GPR158: variants seen among roughly 807,000 people sequenced by gnomAD.
The protein encoded by GPR158 is G protein-coupled receptor 158, also known as metabotropic glycine receptor.
In GPR158, 30 loss-of-function variants were observed where a neutral mutation model predicts 78.2. That is an observed-to-expected ratio of 0.38 (90% CI 0.29 to 0.52). The LOEUF (loss-of-function observed/expected upper bound fraction) is 0.52. GPR158 is among the 20% of genes least tolerant of loss of function. The probability of loss-of-function intolerance (pLI) is 0.83; values close to 1 mark genes in which losing one functional copy is unlikely to be tolerated. For missense variants in GPR158, 1,463 were observed against 1,523.5 expected (o/e 0.96, Z 0.66); for synonymous variants, 581 against 591.1 (o/e 0.98, Z 0.25).
intron 3 of GPR158, among the ~76,000 whole-genome samples, chr10:25,398,979 G>A (rs1284606088): frequency 6.6e-6 from 1 of 152,186 alleles, no homozygotes; most frequent in Non-Finnish European, 1.5e-5. Context: ...TGAGCAGTGG[G>A]TGAGTGTATT....
chr10:25,523,378 G>GT (rs1215882225), intron 5 of GPR158, among the ~76,000 whole-genome samples: 5 of 152,238 alleles, frequency 3.3e-5, no homozygotes, highest in Non-Finnish European at 5.9e-5. Context: ...TGCGACATGA[G>GT]TAAGAGCATG....
intron 2 of GPR158, among the ~76,000 whole-genome samples, chr10:25,249,367 G>A (rs1428030812): frequency 6.6e-5 from 10 of 152,242 alleles, no homozygotes; most frequent in East Asian, 5.8e-4. Context: ...GAGTGGTGAG[G>A]GAGGGCATCC....
intron 5 of GPR158, among the ~76,000 whole-genome samples, chr10:25,542,844 T>C (rs1030923794): frequency 3.4e-5 from 4 of 116,592 alleles, no homozygotes; most frequent in African/African-American, 1.5e-4. Flanking sequence ...AAAAAAAAAG[T>C]TCTATTTCTA....
intron 5 of GPR158, among the ~76,000 whole-genome samples, chr10:25,518,053 T>G (rs2130678263): frequency 1.0e-5 from 1 of 97,594 alleles, no homozygotes; most frequent in Non-Finnish European, 2.0e-5. Flanking sequence ...TTTCAGCTCC[T>G]GTTATTGGTC....
At chr10:25,492,910 A>G (rs1835830339) in intron 5 of GPR158, among the ~76,000 whole-genome samples, 1 of 148,870 alleles carries the variant, frequency 6.7e-6, no homozygotes, top group Non-Finnish European at 1.5e-5. Flanking sequence ...ATTAATATAT[A>G]ATATATTTCA....
intron 6 of GPR158, among the ~76,000 whole-genome samples, chr10:25,557,308 C>G (rs1836798724): frequency 6.6e-6 from 1 of 152,316 alleles, no homozygotes; most frequent in Non-Finnish European, 1.5e-5. Context: ...GCTGTGACCT[C>G]TCACTTCCTG....
intron 5 of GPR158, among the ~76,000 whole-genome samples, chr10:25,535,560 A>G (rs1294692793): frequency 6.6e-6 from 1 of 152,228 alleles, no homozygotes; most frequent in Non-Finnish European, 1.5e-5. Context: ...TGGCTTGATT[A>G]CAGATGTGTG....
chr10:25,280,662 T>C (rs913830828), intron 2 of GPR158, among the ~76,000 whole-genome samples: 1 of 152,136 alleles, frequency 6.6e-6, no homozygotes, highest in African/African-American at 2.4e-5. Context: ...CTCAAAACAT[T>C]CATAAAAGTT....
Position 25,584,072 on chromosome 10 carries a change from C to T in GPR158, c.1754-4935C>T, listed in dbSNP as rs187021829. On this transcript the variant is annotated intron_variant, in intron 7 of 10. Transcript: ENST00000376351. Reference sequence around the variant, plus strand: ...ATTTTTCAAAGGCTATGGTAGTTAACTTTTAAACTGAGTGTTATTCCATAC... The same window carrying T: ...ATTTTTCAAAGGCTATGGTAGTTAATTTTTAAACTGAGTGTTATTCCATAC... 6.5e-3 allele frequency among the ~76,000 whole-genome samples: 989 copies of T among 152,254 alleles called. 5 individuals carry two copies. Among genetic ancestry groups the T allele is most frequent in the Non-Finnish European group, 9.7e-3 (663 of 68,016 alleles).
At chr10:25,467,148 G>C (rs1482392184) in intron 5 of GPR158, among the ~76,000 whole-genome samples, 1 of 152,096 alleles carries the variant, frequency 6.6e-6, no homozygotes, top group Non-Finnish European at 1.5e-5. Flanking sequence ...TGAAGTGTGG[G>C]GGACTTCCAG....
intron 5 of GPR158, among the ~76,000 whole-genome samples, chr10:25,499,556 T>C (rs182344090): frequency 6.6e-6 from 1 of 152,398 alleles, no homozygotes; most frequent in East Asian, 1.9e-4. Context: ...ACAAGACTCT[T>C]GCTCTCATGA....
intron 2 of GPR158, among the ~76,000 whole-genome samples, chr10:25,300,064 C>A (rs892169942): frequency 6.6e-6 from 1 of 152,136 alleles, no homozygotes; most frequent in Non-Finnish European, 1.5e-5. Context: ...AGCCCTATAT[C>A]AGTTTTCTAT....
intron 5 of GPR158, among the ~76,000 whole-genome samples, chr10:25,512,864 C>T (rs1836103217): frequency 6.6e-6 from 1 of 152,180 alleles, no homozygotes; most frequent in East Asian, 1.9e-4. Flanking sequence ...ACCATTTCTG[C>T]ATCCCTGGTA....
intron 2 of GPR158, among the ~76,000 whole-genome samples, chr10:25,306,460 G>A (rs188775658): frequency 3.3e-5 from 5 of 152,284 alleles, no homozygotes; most frequent in East Asian, 1.9e-4. Flanking sequence ...ACACAGAGTC[G>A]ATTGGAGAAT....
intron 4 of GPR158, among the ~76,000 whole-genome samples, chr10:25,448,328 G>C (rs1338044902): frequency 6.6e-6 from 1 of 151,968 alleles, no homozygotes; most frequent in Non-Finnish European, 1.5e-5. Flanking sequence ...CTGACCTCAT[G>C]ATCTGCCCAC....
intron 4 of GPR158, among the ~76,000 whole-genome samples, chr10:25,455,388 A>T (rs1835277076): frequency 6.6e-6 from 1 of 152,268 alleles, no homozygotes; most frequent in African/African-American, 2.4e-5. Context: ...CTGTTATATT[A>T]TAAAACTTTT....
At chr10:25,300,120 C>CA (rs1463816760) in intron 2 of GPR158, among the ~76,000 whole-genome samples, 1 of 152,188 alleles carries the variant, frequency 6.6e-6, no homozygotes, top group Non-Finnish European at 1.5e-5. Context: ...TAAAACAATG[C>CA]AAATGTATAT....
intron 2 of GPR158, among the ~76,000 whole-genome samples, chr10:25,349,771 T>C (rs1431728915): frequency 6.8e-6 from 1 of 146,348 alleles, no homozygotes; most frequent in Non-Finnish European, 1.5e-5. Context: ...TAATTCACCA[T>C]GTAAGGGAAC....
intron 7 of GPR158, among the ~76,000 whole-genome samples, chr10:25,583,639 C>T (rs1837230946): frequency 1.3e-5 from 2 of 149,226 alleles, no homozygotes; most frequent in South Asian, 2.2e-4. Context: ...ATGAGTTATC[C>T]TGGGTAGAAT....
Sources: gnomAD v4.1 joint callset for allele counts (sites outside exome capture counted in the v4.1 genomes callset) on GRCh38, gnomAD v4.1.1 for gene constraint, MANE v1.5 for transcripts, NCBI Gene and HGNC (gene_info 2026-07-23, HGNC 2026-07-21) for gene names.